CYTH4: variants seen among roughly 807,000 people sequenced by gnomAD.
CYTH4 encodes the protein cytohesin 4, also known as cytohesin-4.
In CYTH4, 22 loss-of-function variants were observed where a neutral mutation model predicts 57.5. The observed-to-expected ratio is 0.38, with a 90% CI of 0.27 to 0.55. The LOEUF (loss-of-function observed/expected upper bound fraction) is 0.55, where lower values mean the gene tolerates loss of function less well. Ranked by LOEUF, CYTH4 falls within the 20% of genes least tolerant of loss-of-function variation. The pLI, the probability that CYTH4 is intolerant of heterozygous loss-of-function variation, is 0.74. For synonymous variants in CYTH4, 186 were observed against 206.5 expected (o/e 0.90, Z 0.85); for missense variants, 420 against 535.6 (o/e 0.78, Z 2.13).
At chr22:37,301,483 A>G (rs1262968728) in intron 7 of CYTH4, among the ~76,000 whole-genome samples, 1 of 151,788 alleles carries the variant, frequency 6.6e-6, no homozygotes. Context: ...ATAGAAGGAG[A>G]TACATAAAGG....
At chr22:37,310,949 G>A (rs774918484) in intron 9 of CYTH4, 39 bp from the exon 10 acceptor site, 1 of 1,609,852 alleles carries the variant, frequency 6.2e-7, no homozygotes, top group Non-Finnish European at 8.5e-7. Context: ...AGTGGCCCAG[G>A]AGGAGGACTG....
chr22:37,303,443 C>T (rs1260638776), intron 8 of CYTH4, 41 bp downstream of exon 8: 3 of 1,593,290 alleles, frequency 1.9e-6, no homozygotes, highest in Non-Finnish European at 2.6e-6. Context: ...CCCGGGGAAT[C>T]CAGGAGGGAC....
intron 3 of CYTH4, 121 bp downstream of exon 3, chr22:37,294,845 C>T (rs1928893757): frequency 8.1e-7 from 1 of 1,229,048 alleles, no homozygotes; most frequent in Non-Finnish European, 1.2e-6. Context: ...AGGGATTGGC[C>T]AGGGAGAAGG....
chr22:37,312,213 C>T lies in CYTH4; in HGVS notation c.1112+39C>T. On this transcript the variant is annotated intron_variant, in intron 12 of 12. Transcript: ENST00000248901. Reference sequence around the variant, plus strand: ...AGGTCTGGGGACGGCTTCCCGTCACCTTCCAGAAGGCCCTGCTTCTTTTGG... The same window carrying T: ...AGGTCTGGGGACGGCTTCCCGTCACTTTCCAGAAGGCCCTGCTTCTTTTGG... The T allele has an allele frequency of 3.7e-6, 6 of 1,603,104 alleles. No individual in the cohort carries two copies. In the East Asian group the frequency reaches 9.0e-5, roughly 24 times the overall value.
In CYTH4 at chr22:37,302,926, G is replaced by A. The variant is rs1440114197; in HGVS notation, c.548-328G>A. Among the ~76,000 whole-genome samples, 3 of 149,796 alleles carry A rather than the reference G, an allele frequency of 2.0e-5. No individual in the cohort carries two copies. The South Asian group carries it at 6.8e-4, about 34-fold the overall frequency. ...GTGGGCAGGGGGCTGGAAGGGCTCTGCGGGGAGGAGGTCCTGAGCCGTGGC... is the reference window on the plus strand; with the variant it reads ...GTGGGCAGGGGGCTGGAAGGGCTCTACGGGGAGGAGGTCCTGAGCCGTGGC... On this transcript the variant is annotated intron_variant, in intron 7 of 12. Coordinates refer to ENST00000248901, the MANE Select transcript of CYTH4 (RefSeq NM_013385.5).
rs188663618 is a variant in CYTH4, at chr22:37,290,251, A to C, written c.20-2370A>C. 3.4e-3 allele frequency among the ~76,000 whole-genome samples: 514 copies of C among 152,272 alleles called. 4 individuals carry two copies. Among genetic ancestry groups the C allele is most frequent in the African/African-American group, 0.012 (498 of 41,538 alleles). ...GAAGACACTTCAGTCTTGAGCGCTGATGTCAACTTGGATCCTGTGTCCAAC... is the reference window on the plus strand; with the variant it reads ...GAAGACACTTCAGTCTTGAGCGCTGCTGTCAACTTGGATCCTGTGTCCAAC... On this transcript the variant is annotated intron_variant, in intron 1 of 12. Coordinates refer to ENST00000248901, the MANE Select transcript of CYTH4 (RefSeq NM_013385.5).
rs1261987994 is a variant in CYTH4, at chr22:37,292,754, G to A, written c.102+51G>A. 10 of 1,575,246 alleles carry A rather than the reference G, an allele frequency of 6.3e-6. No individual in the cohort carries two copies. In the East Asian group the frequency reaches 9.0e-5, roughly 14 times the overall value. ...CGTGTCCATGCCCACACTCCTGCAC[G>A]CTTGTACGCACCCCACCAGCTCCTG... On this transcript the variant is annotated intron_variant, in intron 2 of 12. Transcript: ENST00000248901.
In CYTH4 at chr22:37,313,848, G is replaced by A. The variant is rs1003587581; in HGVS notation, c.*337G>A. 5 of 323,330 alleles carry A rather than the reference G, an allele frequency of 1.5e-5. No individual in the cohort carries two copies. Among genetic ancestry groups the A allele is most frequent in the African/African-American group, 2.1e-5 (1 of 47,514 alleles). 20.0% of individuals were successfully genotyped at this position (323,330 alleles called of 1,614,324 possible). ...CTTCTCTCTGGACTTCGGTGTCCTC[G>A]GCTCTGAAGGCGCTCTCTGCACTTA... On this transcript the variant is annotated 3_prime_UTR_variant, in exon 13 of 13. Coordinates refer to ENST00000248901, the MANE Select transcript of CYTH4 (RefSeq NM_013385.5).
Position 37,288,700 on chromosome 22 carries a change from C to A in CYTH4, c.20-3921C>A, listed in dbSNP as rs560205639. Among the ~76,000 whole-genome samples the A allele has an allele frequency of 6.6e-5, 10 of 152,332 alleles. No homozygotes were observed. The East Asian group carries it at 1.9e-3, about 29-fold the overall frequency. On this transcript the variant is annotated intron_variant, in intron 1 of 12. Transcript: ENST00000248901. ...TGGTCCACCTGCTGGAGACAGAGCA[C>A]CACACAGTGGTGGTAGATTTAGGGC...
chr22:37,294,528 G>T, intron 2 of CYTH4, 132 bp from the exon 3 acceptor site: 1 of 919,472 alleles, frequency 1.1e-6, no homozygotes, highest in Non-Finnish European at 1.7e-6. Flanking sequence ...TGGGGACTCA[G>T]GACAGAGGTC....
chr22:37,312,928 G>C (rs1929699796), intron 12 of CYTH4, among the ~76,000 whole-genome samples: 1 of 152,234 alleles, frequency 6.6e-6, no homozygotes, highest in South Asian at 2.1e-4. Context: ...GCTGGGCAGG[G>C]GCCGTGTCCC....
At position 37,297,683 on chromosome 22, in the gene CYTH4, G is replaced by T. The variant is rs747463429; in HGVS notation, c.353+1G>T. ...CCATTGGTACCTACCTGGGGGAGAG[G>T]TAAGAACGAGTGGAGCCTTAGCGAG... On this transcript the variant is annotated splice_donor_variant, in intron 5 of 12. Transcript: ENST00000248901. LOFTEE classifies it high-confidence loss of function. 2 of 1,611,852 alleles carry T rather than the reference G, an allele frequency of 1.2e-6. No homozygotes were observed. The highest frequency in any genetic ancestry group is 1.7e-6 in the Non-Finnish European group (2 of 1,178,062).
chr22:37,301,094 T>G, intron 7 of CYTH4, 75 bp downstream of exon 7: 1 of 1,339,972 alleles, frequency 7.5e-7, no homozygotes, highest in South Asian at 1.3e-5. Context: ...ACAGACCCCC[T>G]CAGGTTTCCC....
intron 2 of CYTH4, among the ~76,000 whole-genome samples, chr22:37,293,961 GC>G (rs1928845841): frequency 6.6e-6 from 1 of 151,812 alleles, no homozygotes; most frequent in Non-Finnish European, 1.5e-5. Context: ...GGCCTAGGCT[GC>G]CTGTGCGTGG....
chr22:37,294,916 C>A (rs1171675386), intron 3 of CYTH4, among the ~76,000 whole-genome samples, 192 bp downstream of exon 3: 1 of 152,178 alleles, frequency 6.6e-6, no homozygotes, highest in Admixed American at 6.5e-5. Flanking sequence ...GTCCCTGCTC[C>A]CAGGCTGACC....
intron 8 of CYTH4, among the ~76,000 whole-genome samples, chr22:37,305,798 A>G (rs1034296193): frequency 2.6e-5 from 4 of 152,206 alleles, no homozygotes; most frequent in African/African-American, 9.6e-5. Flanking sequence ...TTAAGTCTAC[A>G]CAGGTGTGAC....
chr22:37,296,090 C>T (rs772336920), intron 4 of CYTH4, 25 bp downstream of exon 4: 5 of 1,606,828 alleles, frequency 3.1e-6, no homozygotes, highest in Non-Finnish European at 4.3e-6. Flanking sequence ...AGGGCCCGGG[C>T]CACAGGGTGT....
chr22:37,310,028 G>A (rs777012303), intron 9 of CYTH4: 1 of 468,824 alleles, frequency 2.1e-6, no homozygotes, highest in Non-Finnish European at 4.4e-6. Context: ...GCGCCTCCAG[G>A]GCAGGTGAGG....
In CYTH4 at chr22:37,313,617, T is replaced by C. The variant is rs912767965; in HGVS notation, c.*106T>C. The C allele has an allele frequency of 3.9e-6, 4 of 1,020,630 alleles. No individual in the cohort carries two copies. In the Admixed American group the frequency reaches 7.6e-5, roughly 19 times the overall value. 63.2% of individuals were successfully genotyped at this position (1,020,630 alleles called of 1,614,324 possible). ...AGTGCACTCTTTTGGGCCACAGACA[T>C]CATTGCTGTTCCCCGTTACCTCGAG... is the stretch of plus-strand genomic sequence containing the variant. On this transcript the variant is annotated 3_prime_UTR_variant, in exon 13 of 13. Coordinates refer to ENST00000248901, the MANE Select transcript of CYTH4 (RefSeq NM_013385.5).
Sources: allele counts gnomAD v4.1 joint callset (sites outside exome capture counted in the v4.1 genomes callset), GRCh38; gene constraint gnomAD v4.1.1; transcripts MANE v1.5; gene names NCBI Gene and HGNC (gene_info 2026-07-23, HGNC 2026-07-21).